The following NIBAN2 variants were observed in gnomAD, a reference collection of about 807,000 sequenced individuals.
The protein encoded by NIBAN2 is protein Niban 2.
A neutral mutation model predicts 81.8 loss-of-function variants in NIBAN2; 36 were observed. The ratio of observed to expected loss-of-function variants is 0.44; its 90% CI spans 0.34 to 0.58. NIBAN2 has a LOEUF of 0.58. Among genes scored for constraint, NIBAN2 ranks in the 20% least tolerant of loss-of-function variants. NIBAN2 has a pLI of 0.02. For synonymous variants in NIBAN2, 445 were observed against 441.6 expected, an observed-to-expected ratio of 1.01 and a Z score of -0.10; for missense variants, 897 against 1,014.1, an observed-to-expected ratio of 0.88 and a Z score of 1.57.
Position 127,507,375 on chromosome 9 carries a change from T to C in NIBAN2, c.1711A>G (p.Met571Val). The C allele has an allele frequency of 6.5e-7, 1 of 1,527,744 alleles. No homozygotes were observed. Among genetic ancestry groups the C allele is most frequent in the Non-Finnish European group, 8.8e-7 (1 of 1,137,400 alleles). The allele number at this position is 1,527,744 out of a possible 1,614,324, so 94.6% of individuals were successfully genotyped here. Reference protein sequence around the residue: ...KHNLYRDSMVMHNSDPNLHLL... With the variant: ...KHNLYRDSMVVHNSDPNLHLL... ...TGCAGGTTGGGGTCGCTGTTGTGCA[T>C]GACCATGCTGTCCCGGTAGAGGTTG... Residue 571 changes from methionine to valine, a missense_variant, in exon 14 of 14, where the codon ATG becomes GTG. By Grantham distance (21) the Met-to-Val change is conservative. Coordinates refer to ENST00000373312, the MANE Select transcript of NIBAN2 (RefSeq NM_022833.4). This position sits in a 1 kb window ranked among gnomAD's most constrained non-coding sequence, Gnocchi z 6.8.
In NIBAN2 at chr9:127,563,296, A is replaced by G. The variant is rs1837804315; in HGVS notation, c.55+5524T>C. On this transcript the variant is annotated intron_variant, in intron 1 of 13. Coordinates refer to ENST00000373312, the MANE Select transcript of NIBAN2 (RefSeq NM_022833.4). This position sits in a 1 kb window ranked among gnomAD's most constrained non-coding sequence, Gnocchi z 4.1. Reference sequence around the variant, plus strand: ...ACAAAAGCATGTTATATAAGACCCAACAGAGAGACAGCATCATCCCCAGAC... The same window carrying G: ...ACAAAAGCATGTTATATAAGACCCAGCAGAGAGACAGCATCATCCCCAGAC... Among the ~76,000 whole-genome samples, 1 of 152,246 alleles carries G rather than the reference A, an allele frequency of 6.6e-6. No individual in the cohort carries two copies. The highest frequency in any genetic ancestry group is 6.5e-5 in the Admixed American group (1 of 15,292).
chr9:127,560,129 T>C (rs945457650), intron 1 of NIBAN2, among the ~76,000 whole-genome samples: 4 of 152,184 alleles, frequency 2.6e-5, no homozygotes, highest in African/African-American at 9.7e-5. Context: ...CAGGGTTGCC[T>C]GGGAAAGGAC....
intron 1 of NIBAN2, among the ~76,000 whole-genome samples, chr9:127,543,645 C>T (rs1380173530): frequency 6.6e-6 from 1 of 152,200 alleles, no homozygotes. Context: ...CTTCCCATCC[C>T]CACACCCTGG....
chr9:127,554,111 G>C lies in NIBAN2; in HGVS notation c.55+14709C>G, dbSNP rs535472368. ...ACAGCCACTGGGGGCTCAGAGGCTGGGCACACAGACAGAGCCTACCTAACA... is the reference window on the plus strand; with the variant it reads ...ACAGCCACTGGGGGCTCAGAGGCTGCGCACACAGACAGAGCCTACCTAACA... On this transcript the variant is annotated intron_variant, in intron 1 of 13. Transcript: ENST00000373312. Among the ~76,000 whole-genome samples the C allele has an allele frequency of 2.9e-4, 44 of 152,250 alleles. 1 individual carries two copies. The highest frequency in any genetic ancestry group is 4.7e-4 in the Non-Finnish European group (32 of 68,022).
rs1491013252 is a variant in NIBAN2, at chr9:127,515,542, AAC to A, written c.973+1313_973+1314del. 6.9e-3 allele frequency among the ~76,000 whole-genome samples: 517 copies of A among 75,244 alleles called. 21 individuals carry two copies. Among genetic ancestry groups the A allele is most frequent in the African/African-American group, 0.011 (236 of 22,206 alleles). 49.4% of individuals were successfully genotyped at this position (75,244 alleles called of 152,430 possible). Reference sequence around the variant, plus strand: ...TCTCAAAAAAAAAAAAAAAAAAACAAACAAAAAAAACAGGCCAGGCACAGTGG... The same window carrying A: ...TCTCAAAAAAAAAAAAAAAAAAACAAAAAAAAAACAGGCCAGGCACAGTGG... On this transcript the variant is annotated intron_variant, in intron 8 of 13. Transcript: ENST00000373312.
At chr9:127,509,227 T>A in intron 9 of NIBAN2, 96 bp from the exon 10 acceptor site, 3 of 1,266,272 alleles carry the variant, frequency 2.4e-6, no homozygotes, top group Non-Finnish European at 3.2e-6. Context: ...GTCCAGGCCC[T>A]GGGGCTGGCG....
rs779538130 is a variant in NIBAN2 at position 127,506,862 on chromosome 9, C to T, written c.2224G>A (p.Val742Met). The T allele has an allele frequency of 4.3e-6, 7 of 1,611,222 alleles. No individual in the cohort carries two copies. Among genetic ancestry groups the T allele is most frequent in the African/African-American group, 2.7e-5 (2 of 74,910 alleles). ...CCACTGGCCTAGAACTCAGTCTGCA[C>T]CCCTGCACTGTCCTCGGTGGTGGTG... is the stretch of plus-strand genomic sequence containing the variant. ...LHTTTEDSAGVQTEF is the reference protein window; with the variant it reads ...LHTTTEDSAGMQTEF The change falls in exon 14 of 14, where the codon GTG becomes ATG. Residue 742 changes from valine to methionine, a missense_variant. Coordinates refer to ENST00000373312, the MANE Select transcript of NIBAN2 (RefSeq NM_022833.4).
At chr9:127,535,857 T>C (rs1392134819) in intron 1 of NIBAN2, among the ~76,000 whole-genome samples, 1 of 151,698 alleles carries the variant, frequency 6.6e-6, no homozygotes, top group Non-Finnish European at 1.5e-5. Context: ...AGTGGGGGTT[T>C]GGTCCAGCAG....
At position 127,525,045 on chromosome 9, in the gene NIBAN2, G is replaced by C. The variant is rs535946587; in HGVS notation, c.421+13C>G. On this transcript the variant is annotated intron_variant, in intron 4 of 13. Coordinates refer to ENST00000373312, the MANE Select transcript of NIBAN2 (RefSeq NM_022833.4). The stretch of plus-strand genomic sequence containing the variant: ...GTGCAGGGCATTGTGGCCTGGGATG[G>C]GTGCTCCTTTACCTGGTAAGGAGTT... The C allele has an allele frequency of 1.3e-6, 2 of 1,599,812 alleles. No individual in the cohort carries two copies. The highest frequency in any genetic ancestry group is 1.3e-5 in the African/African-American group (1 of 74,784).
At chr9:127,564,706 C>G (rs1453601991) in intron 1 of NIBAN2, among the ~76,000 whole-genome samples, 1 of 151,940 alleles carries the variant, frequency 6.6e-6, no homozygotes, top group Non-Finnish European at 1.5e-5. Context: ...AACCCTGTCT[C>G]TACTAAAAAT....
In NIBAN2 at chr9:127,531,787, G is replaced by C. The variant is rs777053882; in HGVS notation, c.56-9C>G. 7 of 1,613,998 alleles carry C rather than the reference G, an allele frequency of 4.3e-6. No homozygotes were observed. Among genetic ancestry groups the C allele is most frequent in the Non-Finnish European group, 5.9e-6 (7 of 1,179,990 alleles). ...GATCTTCCCGGTTTTTTCTGGAAGA[G>C]AAGGACAAGCAGGAGCTTGAGGTCC... is the stretch of plus-strand genomic sequence containing the variant. On this transcript the variant is annotated splice_polypyrimidine_tract_variant and intron_variant, in intron 1 of 13. Transcript: ENST00000373312.
intron 8 of NIBAN2, among the ~76,000 whole-genome samples, chr9:127,515,117 G>T (rs1236944268): frequency 6.6e-6 from 1 of 152,042 alleles, no homozygotes; most frequent in South Asian, 2.1e-4. Context: ...TCCCAGTTAC[G>T]CAGGAGGCTG....
chr9:127,515,365 C>T (rs1196132164), intron 8 of NIBAN2, among the ~76,000 whole-genome samples: 1 of 151,634 alleles, frequency 6.6e-6, no homozygotes, highest in Non-Finnish European at 1.5e-5. Context: ...CTAAAAAATA[C>T]AAAAAATTAG....
At chr9:127,515,484 G>A (rs7871133) in intron 8 of NIBAN2, among the ~76,000 whole-genome samples, 100,517 of 141,570 alleles carry the variant, frequency 0.71, 36,093 homozygotes, top group Middle Eastern at 0.8. Flanking sequence ...TCACGCCACT[G>A]CACTCCAGCC....
rs532440503 is a variant in NIBAN2 at position 127,518,151 on chromosome 9, G to A, written c.590-210C>T. Among the ~76,000 whole-genome samples, 8 of 152,252 alleles carry A rather than the reference G, an allele frequency of 5.3e-5. No homozygotes were observed. In the South Asian group the frequency reaches 1.7e-3, roughly 32 times the overall value. On this transcript the variant is annotated intron_variant, in intron 5 of 13. Transcript: ENST00000373312. ...ATGACCCCACCACCAACAGTGACAA[G>A]GCAGCCCCCTTGCCTCCTCCTTAGC...
In NIBAN2 at chr9:127,516,985, T is replaced by G; in HGVS notation, c.845A>C (p.Gln282Pro). The G allele has an allele frequency of 6.2e-7, 1 of 1,614,042 alleles. No individual in the cohort carries two copies. ...CACCTCCTCGAAGCGCGCCTTGGCC[T>G]GCTCGTACACCATGTGGTACACGGC... ...SDAVYHMVYE[Q>P]AKARFEEVLS... is the part of the protein sequence containing the mutation. The change falls in exon 8 of 14, where the codon CAG (glutamine) becomes CCG (proline). Residue 282 changes from glutamine (Q) to proline (P), a missense_variant. Physicochemically the swap from Gln to Pro is moderately conservative, Grantham distance 76 (BLOSUM62 -1). This residue lies in a region of NIBAN2 where 619 missense variants were observed against 691.0 expected (regional missense o/e 0.90). Transcript: ENST00000373312.
chr9:127,554,691 G>C (rs1224935466), intron 1 of NIBAN2, among the ~76,000 whole-genome samples: 4 of 151,476 alleles, frequency 2.6e-5, no homozygotes, highest in Non-Finnish European at 5.9e-5. Flanking sequence ...CTCTCGAGTA[G>C]CTGGGACCAC....
intron 1 of NIBAN2, among the ~76,000 whole-genome samples, chr9:127,574,263 G>T (rs1837982760): frequency 2.6e-5 from 4 of 152,102 alleles, no homozygotes. Flanking sequence ...TGCTGGGCCT[G>T]CCCCTCTTGA....
intron 1 of NIBAN2, among the ~76,000 whole-genome samples, chr9:127,549,345 CACAT>C (rs1564314221): frequency 6.6e-6 from 1 of 152,194 alleles, no homozygotes; most frequent in Non-Finnish European, 1.5e-5. Context: ...CACTCACACT[CACAT>C]GCATGCCACA....
Sources: gnomAD v4.1 joint callset for allele counts (sites outside exome capture counted in the v4.1 genomes callset) on GRCh38, gnomAD v4.1.1 for gene constraint, gnomAD v4.1.1 regional missense constraint, Gnocchi (gnomAD v3.1) non-coding constraint, MANE v1.5 for transcripts, NCBI Gene and HGNC (gene_info 2026-07-23, HGNC 2026-07-21) for gene names.